The following VAV1 variants were observed in gnomAD, a reference collection of about 807,000 sequenced individuals.
VAV1 encodes the protein proto-oncogene vav.
VAV1 carries 33 observed loss-of-function variants against 128.1 expected under a neutral mutation model. The ratio of observed to expected loss-of-function variants is 0.26; its 90% CI spans 0.20 to 0.34. The LOEUF is 0.34. VAV1 is among the 10% of genes least tolerant of loss of function. VAV1 has a pLI of 1.00. For synonymous variants in VAV1, 394 were observed against 409.8 expected, an observed-to-expected ratio of 0.96 and a Z score of 0.47; for missense variants, 715 against 1,093.7, an observed-to-expected ratio of 0.65 and a Z score of 4.88.
chr19:6,838,097 G>GTCTGTCTGTCTATCTA (rs1555705096), intron 21 of VAV1, among the ~76,000 whole-genome samples: 3 of 146,536 alleles, frequency 2.0e-5, no homozygotes, highest in African/African-American at 5.1e-5. Flanking sequence ...CTGTCTGTCT[G>GTCTGTCTGTCTATCTA]TCTATCTATC....
rs535831268 is a variant in VAV1 at position 6,823,475 on chromosome 19, A to G, written c.654+961A>G. On this transcript the variant is annotated intron_variant, in intron 6 of 26. Transcript: ENST00000602142. ...TATCATTATTTAAAGATATATATAT[A>G]AAGTATGTATAAGATATGTAATAGA... 5.3e-5 allele frequency among the ~76,000 whole-genome samples: 8 copies of G among 151,096 alleles called. No individual in the cohort carries two copies. In the East Asian group the frequency reaches 1.5e-3, roughly 29 times the overall value.
intron 14 of VAV1, 89 bp from the exon 15 acceptor site, chr19:6,832,002 C>T: frequency 9.6e-7 from 1 of 1,044,608 alleles, no homozygotes; most frequent in Non-Finnish European, 1.4e-6. Context: ...ATGGGCTTGC[C>T]TGTTCCCTAC....
chr19:6,850,799 A>G lies in VAV1; in HGVS notation c.2217+42A>G, dbSNP rs961892800. On this transcript the variant is annotated intron_variant, in intron 24 of 26. Coordinates refer to ENST00000602142, the MANE Select transcript of VAV1 (RefSeq NM_005428.4). ...GCTCAATCCCAGCTTTCCAGAACCT[A>G]GGAGGACCCTCCCTGCACCTCCGCC... 3 of 1,604,898 alleles carry G rather than the reference A, an allele frequency of 1.9e-6. No homozygotes were observed. The Admixed American group carries it at 5.0e-5, about 27-fold the overall frequency.
In VAV1 at chr19:6,836,321, C is replaced by G. The variant is rs1164454802; in HGVS notation, c.1778-111C>G. 2.9e-6 allele frequency: 4 copies of G among 1,357,748 alleles called. No individual in the cohort carries two copies. In the East Asian group the frequency reaches 1.0e-4, roughly 34 times the overall value. 84.1% of individuals were successfully genotyped at this position (1,357,748 alleles called of 1,614,324 possible). The stretch of plus-strand genomic sequence containing the variant: ...CAGTTTCTCCACGTCCTTGTCAACA[C>G]TTAGTATTGCCAGTCTAAAAAGAAA... On this transcript the variant is annotated intron_variant, in intron 19 of 26. Coordinates refer to ENST00000602142, the MANE Select transcript of VAV1 (RefSeq NM_005428.4).
chr19:6,850,564 A>T, intron 23 of VAV1, 106 bp from the exon 24 acceptor site: 1 of 1,013,138 alleles, frequency 9.9e-7, no homozygotes, highest in Non-Finnish European at 1.5e-6. Flanking sequence ...GGTTTCCAGT[A>T]GTTACTCCTC....
intron 20 of VAV1, 78 bp from the exon 21 acceptor site, chr19:6,836,907 G>A (rs1263860591): frequency 7.0e-7 from 1 of 1,419,100 alleles, no homozygotes; most frequent in African/African-American, 1.4e-5. Flanking sequence ...CCACGTGTAG[G>A]GTTATGGGTT....
intron 1 of VAV1, among the ~76,000 whole-genome samples, chr19:6,792,933 G>A (rs898935572): frequency 6.6e-6 from 1 of 152,144 alleles, no homozygotes; most frequent in East Asian, 1.9e-4. Flanking sequence ...CAACAGCGCT[G>A]AGACCGAGGG....
rs1971804847 is a variant in VAV1, at chr19:6,822,121, C to A, written c.450-100C>A. The A allele has an allele frequency of 2.4e-6, 3 of 1,256,054 alleles. No individual in the cohort carries two copies. Among genetic ancestry groups the A allele is most frequent in the African/African-American group, 3.0e-5 (2 of 67,012 alleles). 77.8% of individuals were successfully genotyped at this position (1,256,054 alleles called of 1,614,324 possible). A position where few individuals can be genotyped will look rare whatever the true frequency, so the allele number is the denominator to read the frequency against. Reference sequence around the variant, plus strand: ...CTGCCCTTGGAGTCTGAGGTCCCACCCTTGGAGTCTTGGGGGGACAAAGCC... The same window carrying A: ...CTGCCCTTGGAGTCTGAGGTCCCACACTTGGAGTCTTGGGGGGACAAAGCC... On this transcript the variant is annotated intron_variant, in intron 4 of 26. Coordinates refer to ENST00000602142, the MANE Select transcript of VAV1 (RefSeq NM_005428.4). The surrounding 1 kb of genome is among the most constrained non-coding windows in gnomAD (Gnocchi z 5.9).
intron 1 of VAV1, among the ~76,000 whole-genome samples, chr19:6,814,270 G>T (rs1045725070): frequency 6.6e-6 from 1 of 152,058 alleles, no homozygotes; most frequent in Non-Finnish European, 1.5e-5. Context: ...CATTCAATCA[G>T]TTCTAGCAAC....
chr19:6,784,659 G>A (rs1301662289), intron 1 of VAV1, among the ~76,000 whole-genome samples: 1 of 151,866 alleles, frequency 6.6e-6, no homozygotes, highest in Admixed American at 6.6e-5. Flanking sequence ...ACACCTAGCT[G>A]ATTTTTGTAT....
intron 1 of VAV1, among the ~76,000 whole-genome samples, chr19:6,813,258 T>C (rs1194580191): frequency 1.3e-5 from 2 of 152,222 alleles, no homozygotes; most frequent in African/African-American, 4.8e-5. Context: ...CACATAGAGC[T>C]TCAGCTCCTC....
In VAV1 at chr19:6,821,782, A is replaced by AC. The variant is rs1468722865; in HGVS notation, c.381-3dup. ...CAGGCCCCTGGCTCACACCCTCCTG[A>AC]CCCCCCAGGCCCTTCCCCACCGAGG... is the stretch of plus-strand genomic sequence containing the variant. On this transcript the variant is annotated splice_polypyrimidine_tract_variant and intron_variant, in intron 3 of 26. Coordinates refer to ENST00000602142, the MANE Select transcript of VAV1 (RefSeq NM_005428.4). 3 of 1,613,240 alleles carry AC rather than the reference A, an allele frequency of 1.9e-6. No homozygotes were observed. The highest frequency in any genetic ancestry group is 2.2e-5 in the South Asian group (2 of 91,010).
At chr19:6,807,103 G>T (rs1411428429) in intron 1 of VAV1, among the ~76,000 whole-genome samples, 5 of 152,204 alleles carry the variant, frequency 3.3e-5, no homozygotes, top group South Asian at 4.1e-4. Flanking sequence ...TTTGGTAGCA[G>T]TGACCGGTTT....
At chr19:6,800,842 G>A (rs543235465) in intron 1 of VAV1, among the ~76,000 whole-genome samples, 4 of 94,668 alleles carry the variant, frequency 4.2e-5, no homozygotes, top group Non-Finnish European at 1.1e-4. Context: ...GCCCAGGCTG[G>A]TCTTGAACCC....
chr19:6,775,104 A>C (rs995284168), intron 1 of VAV1, among the ~76,000 whole-genome samples: 2 of 152,046 alleles, frequency 1.3e-5, no homozygotes, highest in Non-Finnish European at 2.9e-5. Context: ...CACTGTCCTC[A>C]GCTGGGACAG....
At chr19:6,814,706 T>TCTCTCTCTCTCTC (rs1971601208) in intron 1 of VAV1, among the ~76,000 whole-genome samples, 1 of 137,310 alleles carries the variant, frequency 7.3e-6, no homozygotes, top group African/African-American at 3.1e-5. Context: ...CTTTCTTTCT[T>TCTCTCTCTCTCTC]TCTTTCTTTC....
chr19:6,788,499 A>T (rs532773030), intron 1 of VAV1, among the ~76,000 whole-genome samples: 1 of 151,258 alleles, frequency 6.6e-6, no homozygotes. Flanking sequence ...CAGCCTCCCT[A>T]GTAGCTGGGA....
intron 22 of VAV1, among the ~76,000 whole-genome samples, 168 bp downstream of exon 22, chr19:6,843,334 A>C (rs1407192249): frequency 6.6e-6 from 1 of 152,138 alleles, no homozygotes; most frequent in Non-Finnish European, 1.5e-5. Flanking sequence ...GGACAGACAA[A>C]GGAGGGTCCC....
intron 1 of VAV1, among the ~76,000 whole-genome samples, chr19:6,775,128 G>A (rs2046611414): frequency 6.6e-6 from 1 of 152,022 alleles, no homozygotes; most frequent in Admixed American, 6.6e-5. Context: ...TTCCTGAAAG[G>A]AGAAGGCACT....
Sources: allele counts gnomAD v4.1 joint callset (sites outside exome capture counted in the v4.1 genomes callset), GRCh38; gene constraint gnomAD v4.1.1; non-coding constraint Gnocchi (gnomAD v3.1); transcripts MANE v1.5; gene names NCBI Gene and HGNC (gene_info 2026-07-23, HGNC 2026-07-21).